Variants in SLC4A10 observed in about 807,000 individuals in gnomAD.
SLC4A10 encodes sodium-driven chloride bicarbonate exchanger.
Under a neutral mutation model 137.7 loss-of-function variants are expected in SLC4A10, and 42 were observed. The ratio of observed to expected loss-of-function variants is 0.30; its 90% CI spans 0.24 to 0.39. The LOEUF is 0.39. Ranked by LOEUF, SLC4A10 falls within the 10% of genes least tolerant of loss-of-function variation. SLC4A10 has a pLI of 1.00. For synonymous variants in SLC4A10, 474 were observed against 464.1 expected, an observed-to-expected ratio of 1.02 and a Z score of -0.27; for missense variants, 925 against 1,355.0, an observed-to-expected ratio of 0.68 and a Z score of 4.98.
At chr2:161,712,894 C>T (rs923598834) in intron 1 of SLC4A10, among the ~76,000 whole-genome samples, 7 of 151,694 alleles carry the variant, frequency 4.6e-5, no homozygotes, top group African/African-American at 1.7e-4. Context: ...ATACAAAATC[C>T]TACAATGTTC....
At chr2:161,654,825 GCTCTTTT>G (rs1406179747) in intron 1 of SLC4A10, among the ~76,000 whole-genome samples, 2 of 151,936 alleles carry the variant, frequency 1.3e-5, no homozygotes, top group Admixed American at 6.6e-5. Context: ...CTCCAGTTTT[GCTCTTTT>G]TTCTCAAGAT....
intron 23 of SLC4A10, among the ~76,000 whole-genome samples, chr2:161,965,904 C>T (rs1282261553): frequency 5.9e-5 from 9 of 151,942 alleles, no homozygotes; most frequent in Admixed American, 4.6e-4. Flanking sequence ...AAATAACTAG[C>T]GTAACATTTA....
chr2:161,627,832 T>C (rs1041127687), intron 1 of SLC4A10, among the ~76,000 whole-genome samples: 1 of 152,128 alleles, frequency 6.6e-6, no homozygotes, highest in Non-Finnish European at 1.5e-5. Flanking sequence ...TTCTCTTAAG[T>C]GCCTACTGTT....
At chr2:161,885,690 C>T (rs1435311750) in intron 10 of SLC4A10, among the ~76,000 whole-genome samples, 1 of 152,216 alleles carries the variant, frequency 6.6e-6, no homozygotes, top group African/African-American at 2.4e-5. Context: ...GATCCCTTCA[C>T]ATTCTCAAAA....
At chr2:161,928,321 A>G (rs932310570) in intron 15 of SLC4A10, among the ~76,000 whole-genome samples, 2 of 140,518 alleles carry the variant, frequency 1.4e-5, no homozygotes, top group African/African-American at 2.7e-5. Flanking sequence ...GAATTGAACA[A>G]TGAGAACACA....
chr2:161,716,062 AT>A (rs1175173180), intron 1 of SLC4A10, among the ~76,000 whole-genome samples: 1 of 152,116 alleles, frequency 6.6e-6, no homozygotes, highest in Non-Finnish European at 1.5e-5. Flanking sequence ...TGTGGTTTTA[AT>A]TTGAATTTCT....
intron 3 of SLC4A10, among the ~76,000 whole-genome samples, chr2:161,833,270 T>C (rs1002318961): frequency 1.3e-5 from 2 of 152,342 alleles, no homozygotes; most frequent in Non-Finnish European, 2.9e-5. Context: ...TTGTAATCCA[T>C]CTGGAGATGA....
chr2:161,814,692 C>G lies in SLC4A10; in HGVS notation c.277+10097C>G, dbSNP rs570683661. On this transcript the variant is annotated intron_variant, in intron 3 of 26. Coordinates refer to ENST00000446997, the MANE Select transcript of SLC4A10 (RefSeq NM_001178015.2). ...CAGAAAACCAAATACCACATGTTCT[C>G]ACTTATAAGTGGGAGCTAAACATTG... 5.3e-5 allele frequency among the ~76,000 whole-genome samples: 8 copies of G among 152,220 alleles called. No individual in the cohort carries two copies. In the East Asian group the frequency reaches 1.5e-3, roughly 29 times the overall value.
At chr2:161,844,938 G>C (rs1357756975) in intron 4 of SLC4A10, among the ~76,000 whole-genome samples, 1 of 152,032 alleles carries the variant, frequency 6.6e-6, no homozygotes, top group African/African-American at 2.4e-5. Flanking sequence ...TCGTGCAATT[G>C]GCCAACAGTT....
intron 1 of SLC4A10, among the ~76,000 whole-genome samples, chr2:161,683,134 C>T (rs924636372): frequency 4.6e-5 from 7 of 151,796 alleles, no homozygotes; most frequent in Admixed American, 2.6e-4. Context: ...GATTGGGGAC[C>T]CCCATACAGC....
At chr2:161,907,335 G>C (rs1258935327) in intron 15 of SLC4A10, among the ~76,000 whole-genome samples, 1 of 152,218 alleles carries the variant, frequency 6.6e-6, no homozygotes, top group Admixed American at 6.5e-5. Context: ...TCAAAACCAG[G>C]GATAACATTG....
chr2:161,976,214 CA>C (rs1699359478), intron 24 of SLC4A10, among the ~76,000 whole-genome samples: 1 of 151,964 alleles, frequency 6.6e-6, no homozygotes, highest in African/African-American at 2.4e-5. Flanking sequence ...TTTTAATTAT[CA>C]AAAATATTGT....
chr2:161,965,021 C>A, intron 22 of SLC4A10, 30 bp from the exon 23 acceptor site: 1 of 1,577,784 alleles, frequency 6.3e-7, no homozygotes. Context: ...ATTTTTTTTC[C>A]ACTTTAAACT....
chr2:161,668,727 A>C (rs758303010), intron 1 of SLC4A10, among the ~76,000 whole-genome samples: 12 of 151,804 alleles, frequency 7.9e-5, no homozygotes, highest in Non-Finnish European at 1.3e-4. Context: ...GGAACACATT[A>C]CTTGATTTTT....
At chr2:161,629,504 C>G (rs1002913086) in intron 1 of SLC4A10, among the ~76,000 whole-genome samples, 4 of 151,772 alleles carry the variant, frequency 2.6e-5, no homozygotes, top group Admixed American at 2.6e-4. Context: ...CATAGCTCCC[C>G]CATTAACAAG....
At chr2:161,761,624 T>C (rs963719209) in intron 1 of SLC4A10, among the ~76,000 whole-genome samples, 1 of 152,102 alleles carries the variant, frequency 6.6e-6, no homozygotes, top group Non-Finnish European at 1.5e-5. Context: ...AAAATACTTT[T>C]GACTAATTAA....
chr2:161,804,208 G>A (rs778160178), intron 2 of SLC4A10, among the ~76,000 whole-genome samples: 3 of 152,084 alleles, frequency 2.0e-5, no homozygotes, highest in Middle Eastern at 3.2e-3. Context: ...TATAAAGGAA[G>A]TGATGATTGC....
chr2:161,699,300 G>C (rs563864533), intron 1 of SLC4A10, among the ~76,000 whole-genome samples: 1 of 152,144 alleles, frequency 6.6e-6, no homozygotes, highest in Non-Finnish European at 1.5e-5. Context: ...GATTACAGGC[G>C]TGAGCCACCG....
At position 161,900,947 on chromosome 2, in the gene SLC4A10, G is replaced by T; in HGVS notation, c.1378G>T (p.Ala460Ser). The T allele has an allele frequency of 6.4e-7, 1 of 1,566,328 alleles. No individual in the cohort carries two copies. The highest frequency in any genetic ancestry group is 8.7e-7 in the Non-Finnish European group (1 of 1,154,862). Reference sequence around the variant, plus strand: ...GATTCCTGCTGTACCAAATGGAACAGCAGCTCATGGGGAAGCAGAGCCCCA... The same window carrying T: ...GATTCCTGCTGTACCAAATGGAACATCAGCTCATGGGGAAGCAGAGCCCCA... ...RKIPAVPNGT[A>S]AHGEAEPHGG... Residue 460 changes from alanine to serine, a missense_variant, in exon 12 of 27, where the codon GCA (alanine) becomes TCA (serine). By Grantham distance (99) the Ala-to-Ser change is moderately conservative (BLOSUM62 1). Coordinates refer to ENST00000446997, the MANE Select transcript of SLC4A10 (RefSeq NM_001178015.2).
Sources: allele counts gnomAD v4.1 joint callset (sites outside exome capture counted in the v4.1 genomes callset), GRCh38; gene constraint gnomAD v4.1.1; transcripts MANE v1.5; gene names NCBI Gene and HGNC (gene_info 2026-07-23, HGNC 2026-07-21).